TRHDE: variants seen among roughly 807,000 people sequenced by gnomAD.
TRHDE encodes thyrotropin releasing hormone degrading enzyme, also known as thyrotropin-releasing hormone-degrading ectoenzyme.
TRHDE carries 72 observed loss-of-function variants against 125.7 expected under a neutral mutation model. That is an observed-to-expected ratio of 0.57 (90% confidence interval 0.47 to 0.70). The LOEUF (loss-of-function observed/expected upper bound fraction) is 0.70, where lower values mean the gene tolerates loss of function less well. Ranked by LOEUF, TRHDE falls within the 30% of genes least tolerant of loss-of-function variation. The pLI, the probability that TRHDE is intolerant of heterozygous loss-of-function variation, is 0.00. For synonymous variants in TRHDE, 509 were observed against 509.1 expected (o/e 1.00, Z 0.00); for missense variants, 1,110 against 1,327.1 (o/e 0.84, Z 2.54).
rs71071820 is a variant in TRHDE, at chr12:72,238,275, AATATATATAT to A, written n.279+132561_279+132570del. ...AGTGGTCAGAAGTGGTCAGATCCTT[AATATATATAT>A]ATATATATATATATATATATATATA... On this transcript the variant is annotated intron_variant and non_coding_transcript_variant, in intron 2 of 4. Coordinates refer to the TRHDE transcript ENST00000548156. 4.9e-3 allele frequency among the ~76,000 whole-genome samples: 188 copies of A among 38,214 alleles called. 5 individuals carry two copies. The highest frequency in any genetic ancestry group is 0.013 in the African/African-American group (98 of 7,346). 25.1% of individuals were successfully genotyped at this position (38,214 alleles called of 152,430 possible).
intron 2 of TRHDE, among the ~76,000 whole-genome samples, chr12:72,132,070 A>C (rs900241510): frequency 6.6e-6 from 1 of 152,232 alleles, no homozygotes; most frequent in African/African-American, 2.4e-5. Context: ...ATGATGTAAC[A>C]ATGGAGTAAG....
At chr12:72,213,613 T>C (rs553825926) in intron 2 of TRHDE, among the ~76,000 whole-genome samples, 5 of 152,284 alleles carry the variant, frequency 3.3e-5, no homozygotes, top group African/African-American at 1.2e-4. Flanking sequence ...CCATTGGTTA[T>C]ATTACACCTG....
In TRHDE at chr12:72,244,973, C is replaced by T. The variant is rs548812559; in HGVS notation, n.280-133022C>T. Among the ~76,000 whole-genome samples the T allele has an allele frequency of 2.6e-5, 4 of 152,142 alleles. No homozygotes were observed. The South Asian group carries it at 8.3e-4, about 32-fold the overall frequency. On this transcript the variant is annotated intron_variant and non_coding_transcript_variant, in intron 2 of 4. Transcript: ENST00000548156. ...ACTTATATTAGAATTTTAGATGTGACAAGAATGTGAAAGGCATGTGAATAA... is the reference window on the plus strand; with the variant it reads ...ACTTATATTAGAATTTTAGATGTGATAAGAATGTGAAAGGCATGTGAATAA...
chr12:72,457,894 A>G (rs781375423), intron 3 of TRHDE, among the ~76,000 whole-genome samples: 3 of 152,108 alleles, frequency 2.0e-5, no homozygotes, highest in Non-Finnish European at 2.9e-5. Context: ...TATAAATAGT[A>G]TTGTTTTCAT....
intron 18 of TRHDE, among the ~76,000 whole-genome samples, chr12:72,658,598 G>T (rs550522978): frequency 6.6e-6 from 1 of 152,154 alleles, no homozygotes; most frequent in South Asian, 2.1e-4. Flanking sequence ...AAATATTTTA[G>T]ACATTTAATT....
chr12:72,219,443 G>A (rs748880725), intron 2 of TRHDE, among the ~76,000 whole-genome samples: 5 of 152,006 alleles, frequency 3.3e-5, no homozygotes, highest in Non-Finnish European at 5.9e-5. Context: ...ATCACCAAGA[G>A]GTAAAAAAAT....
At chr12:72,605,706 T>C (rs182460604) in intron 12 of TRHDE, among the ~76,000 whole-genome samples, 2 of 152,302 alleles carry the variant, frequency 1.3e-5, no homozygotes, top group East Asian at 1.9e-4. Flanking sequence ...TTAGATTAGA[T>C]ATTTCATTTC....
At chr12:72,312,460 T>G (rs1222252871) in intron 2 of TRHDE, among the ~76,000 whole-genome samples, 2 of 152,194 alleles carry the variant, frequency 1.3e-5, no homozygotes, top group Non-Finnish European at 2.9e-5. Context: ...CTTCTCCAGC[T>G]TGCTATTAAT....
At chr12:72,225,673 C>T (rs1221334473) in intron 2 of TRHDE, among the ~76,000 whole-genome samples, 1 of 152,160 alleles carries the variant, frequency 6.6e-6, no homozygotes, top group Non-Finnish European at 1.5e-5. Context: ...TGTTTATAAT[C>T]ACACCATTCT....
At chr12:72,302,676 T>C (rs999909210) in intron 2 of TRHDE, among the ~76,000 whole-genome samples, 1 of 152,142 alleles carries the variant, frequency 6.6e-6, no homozygotes, top group Admixed American at 6.5e-5. Context: ...TATGATTGAA[T>C]GACTATAGGC....
intron 2 of TRHDE, among the ~76,000 whole-genome samples, chr12:72,327,694 T>A (rs1460878791): frequency 6.6e-6 from 1 of 152,184 alleles, no homozygotes; most frequent in Non-Finnish European, 1.5e-5. Flanking sequence ...CATTTGAAAC[T>A]TCTTAAATCT....
chr12:72,262,003 C>A (rs1383311639), intron 2 of TRHDE, among the ~76,000 whole-genome samples: 1 of 152,136 alleles, frequency 6.6e-6, no homozygotes, highest in African/African-American at 2.4e-5. Flanking sequence ...GTTCCTCAGG[C>A]CTAATTCTTT....
intron 1 of TRHDE, among the ~76,000 whole-genome samples, chr12:72,090,472 T>C (rs1874764146): frequency 6.6e-6 from 1 of 152,218 alleles, no homozygotes; most frequent in African/African-American, 2.4e-5. Context: ...TTTTCTCCTT[T>C]TATATCTTGA....
intron 2 of TRHDE, among the ~76,000 whole-genome samples, chr12:72,247,436 A>G (rs1878595525): frequency 6.6e-6 from 1 of 152,172 alleles, no homozygotes; most frequent in Admixed American, 6.5e-5. Context: ...TGGTCCATGA[A>G]CCATATTTTG....
At chr12:72,603,724 C>G (rs1872307081) in intron 12 of TRHDE, among the ~76,000 whole-genome samples, 1 of 150,010 alleles carries the variant, frequency 6.7e-6, no homozygotes, top group African/African-American at 2.5e-5. Context: ...GACTCCGTCT[C>G]AAAACAAAAA....
At chr12:72,443,772 C>T (rs528911318) in intron 3 of TRHDE, among the ~76,000 whole-genome samples, 1 of 151,862 alleles carries the variant, frequency 6.6e-6, no homozygotes, top group South Asian at 2.1e-4. Context: ...AGGAGCTATT[C>T]ACTGCAGAGG....
chr12:72,309,165 C>T (rs1868422123), intron 2 of TRHDE, among the ~76,000 whole-genome samples: 1 of 152,112 alleles, frequency 6.6e-6, no homozygotes, highest in Admixed American at 6.6e-5. Flanking sequence ...GCAGCTAGTA[C>T]ACTGAGTTTG....
intron 2 of TRHDE, among the ~76,000 whole-genome samples, chr12:72,355,180 A>G (rs545019589): frequency 7.3e-5 from 11 of 151,542 alleles, no homozygotes; most frequent in African/African-American, 1.5e-4. Context: ...ATGAAAAATT[A>G]GGAAAAAAGC....
At chr12:72,141,768 G>T (rs1480080732) in intron 2 of TRHDE, among the ~76,000 whole-genome samples, 1 of 152,184 alleles carries the variant, frequency 6.6e-6, no homozygotes, top group African/African-American at 2.4e-5. Flanking sequence ...GGTGCCAAGG[G>T]AGTATGTAAG....
Sources: allele counts gnomAD v4.1 joint callset (sites outside exome capture counted in the v4.1 genomes callset), GRCh38; gene constraint gnomAD v4.1.1; transcripts MANE v1.5; gene names NCBI Gene and HGNC (gene_info 2026-07-23, HGNC 2026-07-21).